The following SYF2 variants were observed in gnomAD, a reference collection of about 807,000 sequenced individuals.
SYF2 encodes the protein pre-mRNA-splicing factor SYF2.
In SYF2, 21 loss-of-function variants were observed where a neutral mutation model predicts 32.7. The ratio of observed to expected loss-of-function variants is 0.64; its 90% confidence interval spans 0.45 to 0.92. The LOEUF is 0.92. Among genes scored for constraint, SYF2 ranks in the 40% least tolerant of loss-of-function variants. SYF2 has a pLI of 0.00. For missense variants in SYF2, 278 were observed against 296.5 expected, an observed-to-expected ratio of 0.94 and a Z score of 0.46; for synonymous variants, 114 against 103.9, an observed-to-expected ratio of 1.10 and a Z score of -0.59.
rs541728660 is a variant in SYF2 at position 25,225,232 on chromosome 1, T to A, written c.468-132A>T. ...GTGAGATCCTACTTTAATTTTTTTTTAAAAAAACATACAGGCTGGGTGCAG... is the reference window on the plus strand; with the variant it reads ...GTGAGATCCTACTTTAATTTTTTTTAAAAAAAACATACAGGCTGGGTGCAG... On this transcript the variant is annotated intron_variant, in intron 5 of 6. Coordinates refer to ENST00000236273, the MANE Select transcript of SYF2 (RefSeq NM_015484.5). 553 of 643,482 alleles carry A rather than the reference T, an allele frequency of 8.6e-4. 3 individuals carry two copies. The highest frequency in any genetic ancestry group is 2.3e-3 in the East Asian group (81 of 35,822). The allele number at this position is 643,482 out of a possible 1,614,324, so 39.9% of individuals were successfully genotyped here.
At chr1:25,229,431 A>C (rs1010736202) in intron 2 of SYF2, among the ~76,000 whole-genome samples, 8 of 152,170 alleles carry the variant, frequency 5.3e-5, no homozygotes, top group Non-Finnish European at 4.4e-5. Context: ...AAGGTTTTGC[A>C]GTATTGGAGA....
chr1:25,228,595 A>G (rs1422606180), intron 3 of SYF2, among the ~76,000 whole-genome samples: 12 of 152,074 alleles, frequency 7.9e-5, no homozygotes, highest in African/African-American at 1.2e-4. Flanking sequence ...TCGGCCTCCC[A>G]AAAGTGCTGG....
At chr1:25,229,673 G>A (rs946620837) in intron 2 of SYF2, among the ~76,000 whole-genome samples, 3 of 151,952 alleles carry the variant, frequency 2.0e-5, no homozygotes, top group Admixed American at 6.6e-5. Context: ...TACTCGGGAG[G>A]CTGAGGCAGG....
intron 5 of SYF2, among the ~76,000 whole-genome samples, chr1:25,227,057 C>CG (rs1302531495): frequency 2.6e-5 from 4 of 151,092 alleles, no homozygotes; most frequent in Non-Finnish European, 5.9e-5. Flanking sequence ...CTGAGGTGGA[C>CG]GGATCACTTG....
intron 5 of SYF2, among the ~76,000 whole-genome samples, chr1:25,225,343 C>T (rs1638487201): frequency 6.6e-6 from 1 of 151,588 alleles, no homozygotes; most frequent in Admixed American, 6.6e-5. Context: ...GCCTGGCCAA[C>T]ATGGCAAAAC....
At chr1:25,231,831 G>A (rs972213900) in intron 2 of SYF2, 11 of 537,688 alleles carry the variant, frequency 2.0e-5, no homozygotes, top group South Asian at 4.2e-5. Context: ...GAGCAGGGAG[G>A]TTGTTAGTAA....
At chr1:25,231,830 G>A (rs1238798709) in intron 2 of SYF2, 6 of 537,220 alleles carry the variant, frequency 1.1e-5, no homozygotes, top group Non-Finnish European at 2.0e-5. Flanking sequence ...GGAGCAGGGA[G>A]GTTGTTAGTA....
At chr1:25,227,143 C>G (rs1370288051) in intron 5 of SYF2, among the ~76,000 whole-genome samples, 1 of 152,080 alleles carries the variant, frequency 6.6e-6, no homozygotes, top group Non-Finnish European at 1.5e-5. Flanking sequence ...ATTAGTTGGG[C>G]GTGGTGGCGG....
chr1:25,223,551 A>G, intron 6 of SYF2, 120 bp from the exon 7 acceptor site: 2 of 942,304 alleles, frequency 2.1e-6, no homozygotes, highest in Non-Finnish European at 3.1e-6. Context: ...GGCTAGAGGA[A>G]GCCAGGAGAG....
At chr1:25,226,194 G>A (rs370586361) in intron 5 of SYF2, among the ~76,000 whole-genome samples, 9 of 152,054 alleles carry the variant, frequency 5.9e-5, no homozygotes, top group African/African-American at 2.2e-4. Context: ...TTACAGAATT[G>A]AAAGGAACCT....
In SYF2 at chr1:25,232,102, A is replaced by G; in HGVS notation, c.132+2T>C. ...TCTAAGCCGGCCTCCAAGACTACTCACCCGCATCAGGTGCAGCTCCCGGAA... is the reference window on the plus strand; with the variant it reads ...TCTAAGCCGGCCTCCAAGACTACTCGCCCGCATCAGGTGCAGCTCCCGGAA... On this transcript the variant is annotated splice_donor_variant, in intron 2 of 6. Transcript: ENST00000236273. LOFTEE classifies it high-confidence loss of function. 6 of 1,613,224 alleles carry G rather than the reference A, an allele frequency of 3.7e-6. No homozygotes were observed. Among genetic ancestry groups the G allele is most frequent in the Non-Finnish European group, 5.1e-6 (6 of 1,179,748 alleles).
chr1:25,231,673 A>T, intron 2 of SYF2: 1 of 172,068 alleles, frequency 5.8e-6, no homozygotes, highest in South Asian at 1.1e-4. Flanking sequence ...AAAACAGATG[A>T]TTATTTTCTT....
At position 25,232,165 on chromosome 1, in the gene SYF2, T is replaced by TCCG; in HGVS notation, c.68_70dup (p.Ala23dup). 1 of 1,613,748 alleles carries TCCG rather than the reference T, an allele frequency of 6.2e-7. No homozygotes were observed. The highest frequency in any genetic ancestry group is 8.5e-7 in the Non-Finnish European group (1 of 1,179,986). On this transcript the variant is annotated inframe_insertion, in exon 2 of 7. Coordinates refer to ENST00000236273, the MANE Select transcript of SYF2 (RefSeq NM_015484.5). ...CTGTTCGCGCTTCTGAGCGGCCAGC[T>TCCG]CCGCCGCCGCAGCGAGGGACCCCTC...
chr1:25,223,860 T>A (rs996607414), intron 6 of SYF2, among the ~76,000 whole-genome samples: 3 of 151,962 alleles, frequency 2.0e-5, no homozygotes, highest in African/African-American at 4.8e-5. Flanking sequence ...ATAAAAAAAA[T>A]TTTTTTGAAT....
chr1:25,223,421 G>C lies in SYF2; in HGVS notation c.577C>G (p.Arg193Gly). The stretch of plus-strand genomic sequence containing the variant: ...GGACGTCTCCGGCTATATTTGTCTC[G>C]TTTTTCAATCCTGGGGAAAGAAGAA... ...VIDLEKQIEK[R>G]DKYSRRRPYN... Residue 193 changes from arginine (R) to glycine (G), a missense_variant, in exon 7 of 7, where the codon CGA (arginine) becomes GGA (glycine). By Grantham distance (125) the Arg-to-Gly change is moderately radical. Coordinates refer to ENST00000236273, the MANE Select transcript of SYF2 (RefSeq NM_015484.5). The C allele has an allele frequency of 6.2e-7, 1 of 1,604,608 alleles. No homozygotes were observed. The highest frequency in any genetic ancestry group is 8.5e-7 in the Non-Finnish European group (1 of 1,176,082).
intron 1 of SYF2, 81 bp from the exon 2 acceptor site, chr1:25,232,292 C>T (rs1330776224): frequency 1.3e-6 from 2 of 1,581,290 alleles, no homozygotes; most frequent in African/African-American, 2.7e-5. Context: ...CGCCGGTCCC[C>T]ACAGGCTGGG....
chr1:25,232,502 G>T lies in SYF2; in HGVS notation c.-35C>A. The T allele has an allele frequency of 6.2e-7, 1 of 1,614,130 alleles. No individual in the cohort carries two copies. The highest frequency in any genetic ancestry group is 1.3e-5 in the African/African-American group (1 of 75,046). Reference sequence around the variant, plus strand: ...TCTCTCTTCCCACTTCCGGCAACAAGATAGAGCACTTCCGTCAACCTTCAG... The same window carrying T: ...TCTCTCTTCCCACTTCCGGCAACAATATAGAGCACTTCCGTCAACCTTCAG... On this transcript the variant is annotated 5_prime_UTR_variant, in exon 1 of 7. Coordinates refer to ENST00000236273, the MANE Select transcript of SYF2 (RefSeq NM_015484.5).
rs370133400 is a variant in SYF2, at chr1:25,223,458, T to C, written c.567-27A>G. 22 of 1,594,016 alleles carry C rather than the reference T, an allele frequency of 1.4e-5. No individual in the cohort carries two copies. The African/African-American group carries it at 3.0e-4, about 22-fold the overall frequency. ...TGGGGAAAGAAGAAAATTTACAAAA[T>C]TCAAAATTGCCTTCTCTTTTGATCT... On this transcript the variant is annotated intron_variant, in intron 6 of 6. Transcript: ENST00000236273.
rs372361004 is a variant in SYF2, at chr1:25,228,128, C to T, written c.366G>A (p.Leu122=). 24 of 1,613,566 alleles carry T rather than the reference C, an allele frequency of 1.5e-5. No individual in the cohort carries two copies. The highest frequency in any genetic ancestry group is 4.0e-5 in the African/African-American group (3 of 74,878). The change falls in exon 4 of 7, where the codon CTG becomes CTA. Residue 122 remains leucine, a synonymous_variant. Transcript: ENST00000236273. The stretch of plus-strand genomic sequence containing the variant: ...AAAGGTCAATCTGACCTGAAAATCC[C>T]AGATCAGGGTTTTTCCTCTTCTTTT... ...ERKKKRKNPD[L]GFSDYAAAQL...
Sources: allele counts gnomAD v4.1 joint callset (sites outside exome capture counted in the v4.1 genomes callset), GRCh38; gene constraint gnomAD v4.1.1; transcripts MANE v1.5; gene names NCBI Gene and HGNC (gene_info 2026-07-23, HGNC 2026-07-21).